Variants in PARD3 observed in about 807,000 individuals in gnomAD.
The protein encoded by PARD3 is partitioning defective 3 homolog.
A neutral mutation model predicts 155.4 loss-of-function variants in PARD3; 75 were observed. The observed-to-expected ratio is 0.48, with a 90% CI of 0.40 to 0.58. The LOEUF (loss-of-function observed/expected upper bound fraction) is 0.58. PARD3 is among the 20% of genes least tolerant of loss of function. PARD3 has a pLI of 0.00. For synonymous variants in PARD3, 576 were observed against 610.5 expected, an observed-to-expected ratio of 0.94 and a Z score of 0.83; for missense variants, 1,642 against 1,721.7, an observed-to-expected ratio of 0.95 and a Z score of 0.82.
chr10:34,717,535 G>C (rs2094538707), intron 1 of PARD3, among the ~76,000 whole-genome samples: 1 of 152,142 alleles, frequency 6.6e-6, no homozygotes, highest in Admixed American at 6.5e-5. Flanking sequence ...CATTCACCCA[G>C]AACAGCTTTC....
rs115904192 is a variant in PARD3, at chr10:34,126,355, C to T, written c.3540+5108G>A. Among the ~76,000 whole-genome samples, 505 of 152,200 alleles carry T rather than the reference C, an allele frequency of 3.3e-3. 1 individual carries two copies. Among genetic ancestry groups the T allele is most frequent in the African/African-American group, 0.011 (471 of 41,520 alleles). ...GAAAGGGCTACTTGGATGAATTTTC[C>T]GCAGCATCCTGCTCTGTATGTAAAG... On this transcript the variant is annotated intron_variant, in intron 23 of 24. Coordinates refer to ENST00000374788, the MANE Select transcript of PARD3 (RefSeq NM_001184785.2).
intron 19 of PARD3, among the ~76,000 whole-genome samples, chr10:34,318,941 A>G (rs4532986): frequency 1.4e-5 from 2 of 146,858 alleles, no homozygotes. Flanking sequence ...AATTTTTTGT[A>G]TTTTTAGTAG....
intron 5 of PARD3, among the ~76,000 whole-genome samples, chr10:34,409,551 T>C (rs1844836956): frequency 6.6e-6 from 1 of 152,184 alleles, no homozygotes; most frequent in Non-Finnish European, 1.5e-5. Flanking sequence ...TTCCTATACA[T>C]ATTTATCCCA....
intron 24 of PARD3, among the ~76,000 whole-genome samples, chr10:34,115,828 T>G (rs1195632959): frequency 6.6e-6 from 1 of 151,796 alleles, no homozygotes; most frequent in Non-Finnish European, 1.5e-5. Flanking sequence ...TTCTCCTGCC[T>G]CAGCCTCCCG....
At chr10:34,321,961 T>C (rs565781065) in intron 19 of PARD3, among the ~76,000 whole-genome samples, 4 of 150,426 alleles carry the variant, frequency 2.7e-5, no homozygotes, top group Admixed American at 6.6e-5. Context: ...AGAGTCTATT[T>C]CCCCCCCCCA....
intron 2 of PARD3, among the ~76,000 whole-genome samples, chr10:34,647,654 C>CT (rs1258086925): frequency 6.6e-6 from 1 of 152,286 alleles, no homozygotes; most frequent in East Asian, 1.9e-4. Context: ...ACGTGTAGCT[C>CT]TTTTTTTCCA....
intron 3 of PARD3, among the ~76,000 whole-genome samples, chr10:34,482,014 T>G (rs2079112068): frequency 6.9e-6 from 1 of 144,682 alleles, no homozygotes; most frequent in Non-Finnish European, 1.5e-5. Context: ...CACACCACTG[T>G]GCCCTGCTAA....
At chr10:34,413,816 A>G (rs532096690) in intron 5 of PARD3, among the ~76,000 whole-genome samples, 33 of 152,244 alleles carry the variant, frequency 2.2e-4, no homozygotes, top group South Asian at 6.2e-4. Context: ...TCTTTAGAGT[A>G]GCAAGTCAGA....
At chr10:34,367,786 T>C (rs922831818) in intron 12 of PARD3, among the ~76,000 whole-genome samples, 4 of 152,186 alleles carry the variant, frequency 2.6e-5, no homozygotes, top group African/African-American at 9.6e-5. Flanking sequence ...ATAAGGCCCA[T>C]GCTTAATTTC....
Position 34,301,656 on chromosome 10 carries a change from C to T in PARD3, c.3065+15451G>A, listed in dbSNP as rs935685865. 6.6e-5 allele frequency among the ~76,000 whole-genome samples: 10 copies of T among 152,254 alleles called. No homozygotes were observed. In the South Asian group the frequency reaches 1.0e-3, roughly 16 times the overall value. On this transcript the variant is annotated intron_variant, in intron 20 of 24. Coordinates refer to ENST00000374788, the MANE Select transcript of PARD3 (RefSeq NM_001184785.2). ...CAGCCCTTCCCCCTCTTCCACCCTC[C>T]AGTTCCCTCCAGGTAGACATATCAC...
intron 5 of PARD3, among the ~76,000 whole-genome samples, chr10:34,404,377 A>G (rs1844217235): frequency 6.6e-6 from 1 of 152,182 alleles, no homozygotes; most frequent in Non-Finnish European, 1.5e-5. Flanking sequence ...TAAGAACTAT[A>G]CAGTACTGGC....
chr10:34,241,467 G>A (rs1953592995), intron 22 of PARD3, among the ~76,000 whole-genome samples: 2 of 152,110 alleles, frequency 1.3e-5, no homozygotes, highest in Non-Finnish European at 2.9e-5. Flanking sequence ...GGTGTCTAGT[G>A]TTCACAGAAG....
intron 2 of PARD3, among the ~76,000 whole-genome samples, chr10:34,611,939 AC>A (rs1325637390): frequency 1.8e-4 from 2 of 11,220 alleles, no homozygotes; most frequent in South Asian, 4.2e-3. Flanking sequence ...CGCCCCCCCT[AC>A]CCCCCCGCCC....
intron 5 of PARD3, among the ~76,000 whole-genome samples, chr10:34,416,544 C>G (rs1176727486): frequency 3.3e-5 from 5 of 152,166 alleles, no homozygotes; most frequent in African/African-American, 4.8e-5. Flanking sequence ...CAGGGCCAGG[C>G]TTCCCTCAGG....
rs2076999920 is a variant in PARD3, at chr10:34,450,539, G to C, written c.583-91C>G. The C allele has an allele frequency of 2.5e-6, 3 of 1,179,972 alleles. No individual in the cohort carries two copies. In the African/African-American group the frequency reaches 4.6e-5, roughly 18 times the overall value. The allele number at this position is 1,179,972 out of a possible 1,614,324, so 73.1% of individuals were successfully genotyped here. A position where few individuals can be genotyped will look rare whatever the true frequency, so the allele number is the denominator to read the frequency against. ...GGTTTTTCAAAAGTAGCAGAAAAAT[G>C]ATTCTACATATTTAAAACATCTTTC... On this transcript the variant is annotated intron_variant, in intron 4 of 24. Transcript: ENST00000374788.
At chr10:34,163,109 C>G (rs918729797) in intron 22 of PARD3, among the ~76,000 whole-genome samples, 2 of 152,186 alleles carry the variant, frequency 1.3e-5, no homozygotes, top group East Asian at 3.8e-4. Context: ...GACTTGTCAT[C>G]ACTACATGAA....
At position 34,689,201 on chromosome 10, in the gene PARD3, C is replaced by T. The variant is rs534650070; in HGVS notation, c.222+7117G>A. Among the ~76,000 whole-genome samples the T allele has an allele frequency of 1.4e-4, 21 of 152,314 alleles. 1 individual carries two copies. In the South Asian group the frequency reaches 4.3e-3, roughly 32 times the overall value. On this transcript the variant is annotated intron_variant, in intron 2 of 24. Coordinates refer to ENST00000374788, the MANE Select transcript of PARD3 (RefSeq NM_001184785.2). ...CAAGTGTCAAAATCCTTACTTGGAG[C>T]AGCTGCCAAAAATAGTTGAAAACAC...
At chr10:34,559,174 A>G (rs1028762567) in intron 2 of PARD3, among the ~76,000 whole-genome samples, 3 of 152,084 alleles carry the variant, frequency 2.0e-5, no homozygotes, top group African/African-American at 7.2e-5. Context: ...CTTATATCTT[A>G]GTTAATTGCG....
At chr10:34,387,133 G>T (rs1228839128) in intron 7 of PARD3, among the ~76,000 whole-genome samples, 3 of 152,128 alleles carry the variant, frequency 2.0e-5, no homozygotes, top group African/African-American at 7.2e-5. Flanking sequence ...TCCAGTTAAT[G>T]AGTTTTTAAT....
Sources: allele counts gnomAD v4.1 joint callset (sites outside exome capture counted in the v4.1 genomes callset), GRCh38; gene constraint gnomAD v4.1.1; transcripts MANE v1.5; gene names NCBI Gene and HGNC (gene_info 2026-07-23, HGNC 2026-07-21).